Variants in CUEDC1 observed in about 807,000 individuals in gnomAD.
CUEDC1 encodes the protein CUE domain containing 1.
Under a neutral mutation model 43.7 loss-of-function variants are expected in CUEDC1, and 30 were observed. The observed-to-expected ratio is 0.69, with a 90% confidence interval of 0.51 to 0.93. The LOEUF (loss-of-function observed/expected upper bound fraction) is 0.93. CUEDC1 is among the 40% of genes least tolerant of loss of function. CUEDC1 has a pLI of 0.00. For missense variants in CUEDC1, 486 were observed against 549.0 expected (o/e 0.89, Z 1.15); for synonymous variants, 223 against 223.6 (o/e 1.00, Z 0.02).
intron 10 of CUEDC1, among the ~76,000 whole-genome samples, chr17:57,865,516 A>G (rs958830535): frequency 2.0e-5 from 3 of 152,250 alleles, no homozygotes; most frequent in East Asian, 3.8e-4. Context: ...CACTGGGACC[A>G]AACAAGTGGC....
At chr17:57,868,991 C>A (rs1597968004) in intron 7 of CUEDC1, 131 bp downstream of exon 7, 2 of 869,604 alleles carry the variant, frequency 2.3e-6, no homozygotes, top group Admixed American at 2.3e-5. Context: ...AGCCAGCCTG[C>A]GATGAAAATG....
rs17762338 is a variant in CUEDC1, at chr17:57,873,676, C to T, written c.506G>A (p.Arg169His). The T allele has an allele frequency of 0.16, 253,270 of 1,602,010 alleles. 22,170 individuals carry two copies. The highest frequency in any genetic ancestry group is 0.18 in the Non-Finnish European group (207,782 of 1,174,000). ...LGSGAPTSQRRYRNWNPPLLG... is the reference protein window; with the variant it reads ...LGSGAPTSQRHYRNWNPPLLG... ...CAGTGGTGGGTTCCAGTTCCGATAG[C>T]GTCTCTGGCTTGTAGGGGCTCCAGA... is the stretch of plus-strand genomic sequence containing the variant. The change falls in exon 4 of 11, where the codon CGC becomes CAC. Residue 169 changes from arginine (R) to histidine (H), a missense_variant. Arg to His is a conservative substitution (Grantham distance 29). Transcript: ENST00000577830.
At chr17:57,872,493 G>A (rs2074048080) in intron 5 of CUEDC1, among the ~76,000 whole-genome samples, 170 bp downstream of exon 5, 1 of 152,018 alleles carries the variant, frequency 6.6e-6, no homozygotes, top group African/African-American at 2.4e-5. Context: ...GTCCCCATAG[G>A]CAGAATTCTG....
rs1568041585 is a variant in CUEDC1, at chr17:57,896,490, GTGTGTGTGTGT to G, written c.-315-10622_-315-10612del. On this transcript the variant is annotated intron_variant, in intron 1 of 10. Transcript: ENST00000577830. ...ACTCTACTATAGTGCATTATGGGGT[GTGTGTGTGTGT>G]GTGTGTGTGTGTGTGTGTGTGTGTG... 5.3e-3 allele frequency among the ~76,000 whole-genome samples: 464 copies of G among 88,374 alleles called. 10 individuals are homozygous for G. The highest frequency in any genetic ancestry group is 0.017 in the African/African-American group (432 of 25,378). The allele number at this position is 88,374 out of a possible 152,430, so 58.0% of individuals were successfully genotyped here.
In CUEDC1 at chr17:57,868,239, G is replaced by C. The variant is rs753567968; in HGVS notation, c.945C>G (p.Thr315=). ...RDKLKHMGKS[T]RRKLFELARA... ...GGGCAAGTTCAAACAGTTTCCTCCG[G>C]GTGGCTGGGGGCAGAGAGACCTGTG... is the stretch of plus-strand genomic sequence containing the variant. The change falls in exon 8 of 11, where the codon ACC becomes ACG. Residue 315 remains threonine (T), a synonymous_variant. Coordinates refer to ENST00000577830, the MANE Select transcript of CUEDC1 (RefSeq NM_001271875.2). 5.0e-6 allele frequency: 8 copies of C among 1,613,968 alleles called. No homozygotes were observed. Among genetic ancestry groups the C allele is most frequent in the Non-Finnish European group, 5.9e-6 (7 of 1,179,938 alleles).
At chr17:57,867,807 T>C (rs1240560912) in intron 8 of CUEDC1, among the ~76,000 whole-genome samples, 1 of 152,128 alleles carries the variant, frequency 6.6e-6, no homozygotes, top group Non-Finnish European at 1.5e-5. Context: ...CCAGTTCAAC[T>C]AGAGAAATGA....
At chr17:57,891,798 C>T (rs1439403588) in intron 1 of CUEDC1, among the ~76,000 whole-genome samples, 1 of 152,238 alleles carries the variant, frequency 6.6e-6, no homozygotes, top group Non-Finnish European at 1.5e-5. Flanking sequence ...TCAACCATCA[C>T]CTTGAGGGGG....
At chr17:57,896,473 A>G (rs2074409075) in intron 1 of CUEDC1, among the ~76,000 whole-genome samples, 1 of 133,970 alleles carries the variant, frequency 7.5e-6, no homozygotes, top group African/African-American at 2.9e-5. Context: ...TCACTCTACT[A>G]TAGTGCATTA....
intron 1 of CUEDC1, among the ~76,000 whole-genome samples, chr17:57,896,512 G>A (rs2074412130): frequency 6.6e-6 from 1 of 150,708 alleles, no homozygotes; most frequent in African/African-American, 2.5e-5. Flanking sequence ...GTGTGTGTGT[G>A]TGTGTGTGTG....
chr17:57,918,720 C>T (rs1327965138), intron 1 of CUEDC1, among the ~76,000 whole-genome samples: 1 of 152,230 alleles, frequency 6.6e-6, no homozygotes, highest in African/African-American at 2.4e-5. Context: ...ATGTTTTCCA[C>T]AACTGCCTGG....
intron 1 of CUEDC1, among the ~76,000 whole-genome samples, chr17:57,925,090 A>T (rs2074734095): frequency 6.6e-6 from 1 of 151,734 alleles, no homozygotes. Context: ...CAGTAAGATC[A>T]CAACTAGTTT....
rs1294883848 is a variant in CUEDC1, at chr17:57,930,346, T to G, written c.-316+24879A>C. Among the ~76,000 whole-genome samples, 1 of 152,186 alleles carries G rather than the reference T, an allele frequency of 6.6e-6. No homozygotes were observed. The highest frequency in any genetic ancestry group is 2.4e-5 in the African/African-American group (1 of 41,438). ...CGGACTCCAGCAAAGGCTCACCAGTTAGCACTGGCTGTGAGGAGGCCAGAA... is the reference window on the plus strand; with the variant it reads ...CGGACTCCAGCAAAGGCTCACCAGTGAGCACTGGCTGTGAGGAGGCCAGAA... On this transcript the variant is annotated intron_variant, in intron 1 of 10. Coordinates refer to ENST00000577830, the MANE Select transcript of CUEDC1 (RefSeq NM_001271875.2). The surrounding 1 kb of genome is among the most constrained non-coding windows in gnomAD (Gnocchi z 4.2).
chr17:57,899,183 C>G (rs898051656), intron 1 of CUEDC1, among the ~76,000 whole-genome samples: 16 of 152,150 alleles, frequency 1.1e-4, no homozygotes, highest in Non-Finnish European at 2.9e-5. Context: ...AGAAATTCCA[C>G]CCAGAGTGAG....
At chr17:57,935,640 G>A (rs1165742303) in intron 1 of CUEDC1, among the ~76,000 whole-genome samples, 1 of 152,012 alleles carries the variant, frequency 6.6e-6, no homozygotes, top group African/African-American at 2.4e-5. Context: ...GAACTGAAAG[G>A]CTTCCACAGG....
chr17:57,936,946 A>G (rs1253578836), intron 1 of CUEDC1, among the ~76,000 whole-genome samples: 1 of 151,372 alleles, frequency 6.6e-6, no homozygotes, highest in Non-Finnish European at 1.5e-5. Flanking sequence ...TCAGCCTCCC[A>G]AGTAGCTGGA....
At chr17:57,888,012 C>T (rs2074315775) in intron 1 of CUEDC1, among the ~76,000 whole-genome samples, 1 of 150,106 alleles carries the variant, frequency 6.7e-6, no homozygotes, top group East Asian at 2.0e-4. Context: ...GCAAGTCTCC[C>T]ATCTCAGCCT....
chr17:57,869,044 GGC>G, intron 7 of CUEDC1, 76 bp downstream of exon 7: 2 of 1,446,786 alleles, frequency 1.4e-6, no homozygotes, highest in Non-Finnish European at 1.9e-6. Context: ...TGTGCTGAGG[GGC>G]TCCCTCACTC....
chr17:57,885,211 C>A lies in CUEDC1; in HGVS notation c.336+18G>T, dbSNP rs755379113. ...TGTCCTCCAGTGGTGGTTGGAATTA[C>A]CCGGGCTGCGCCCCTACCTCCGGGG... On this transcript the variant is annotated intron_variant, in intron 2 of 10. Transcript: ENST00000577830. 1.9e-6 allele frequency: 3 copies of A among 1,540,826 alleles called. No individual in the cohort carries two copies. The Admixed American group carries it at 5.7e-5, about 29-fold the overall frequency.
chr17:57,894,104 A>C (rs764622875), intron 1 of CUEDC1, among the ~76,000 whole-genome samples: 3 of 152,200 alleles, frequency 2.0e-5, no homozygotes, highest in Non-Finnish European at 4.4e-5. Flanking sequence ...AAAACAAAAC[A>C]AAACCAAACC....
Sources: gnomAD v4.1 joint callset for allele counts (sites outside exome capture counted in the v4.1 genomes callset) on GRCh38, gnomAD v4.1.1 for gene constraint, Gnocchi (gnomAD v3.1) non-coding constraint, MANE v1.5 for transcripts, NCBI Gene and HGNC (gene_info 2026-07-23, HGNC 2026-07-21) for gene names.